PTK2: variants seen among roughly 807,000 people sequenced by gnomAD.
The protein encoded by PTK2 is protein tyrosine kinase 2.
In PTK2, 45 loss-of-function variants were observed where a neutral mutation model predicts 150.1. That is an observed-to-expected ratio of 0.30 (90% CI 0.24 to 0.38). The LOEUF (loss-of-function observed/expected upper bound fraction) is 0.38, where lower values mean the gene tolerates loss of function less well. Among genes scored for constraint, PTK2 ranks in the 10% least tolerant of loss-of-function variants. PTK2 has a pLI of 1.00. For missense variants in PTK2, 919 were observed against 1,307.3 expected (o/e 0.70, Z 4.58); for synonymous variants, 432 against 449.2 (o/e 0.96, Z 0.48).
chr8:140,714,491 A>T (rs1278515450), intron 23 of PTK2, among the ~76,000 whole-genome samples: 1 of 136,972 alleles, frequency 7.3e-6, no homozygotes, highest in Non-Finnish European at 1.5e-5. Flanking sequence ...AGGAAGAAAT[A>T]AAAAAAAAAA....
In PTK2 at chr8:140,742,959, G is replaced by GT. The variant is rs563966579; in HGVS notation, c.1735+270dup. 2.1e-3 allele frequency among the ~76,000 whole-genome samples: 317 copies of GT among 152,184 alleles called. 5 individuals carry two copies. Among genetic ancestry groups the GT allele is most frequent in the African/African-American group, 7.1e-3 (296 of 41,516 alleles). ...CCCTAGATGCTAAATATTTACTCGT[G>GT]TTTTTTTCTAAAAATTTATTATTTT... On this transcript the variant is annotated intron_variant, in intron 20 of 31. Transcript: ENST00000522684.
chr8:140,884,394 T>C (rs971924614), intron 3 of PTK2, among the ~76,000 whole-genome samples: 2 of 152,222 alleles, frequency 1.3e-5, no homozygotes, highest in South Asian at 2.1e-4. Context: ...AGAGTTTAAT[T>C]TTCTAAGACC....
chr8:140,937,347 T>C (rs73714789), intron 1 of PTK2, among the ~76,000 whole-genome samples: 3,616 of 152,174 alleles, frequency 0.024, 135 homozygotes, highest in African/African-American at 0.081. Flanking sequence ...ACACCTGATT[T>C]TTCTGAAAAT....
intron 1 of PTK2, among the ~76,000 whole-genome samples, chr8:140,989,212 TAAAAAAAAAAAAAAA>T (rs71310816): frequency 8.3e-5 from 5 of 60,580 alleles, no homozygotes; most frequent in South Asian, 8.4e-4. Context: ...ACCCTGTCTC[TAAAAAAAAAAAAAAA>T]AAAAAAAAAA....
At chr8:140,899,656 A>T (rs1165353149) in intron 2 of PTK2, among the ~76,000 whole-genome samples, 1 of 152,182 alleles carries the variant, frequency 6.6e-6, no homozygotes, top group Non-Finnish European at 1.5e-5. Flanking sequence ...AAAAAAGAAA[A>T]CTACAGGCCA....
Position 140,865,641 on chromosome 8 carries a change from T to C in PTK2, c.363-1242A>G, listed in dbSNP as rs144684276. 4.5e-3 allele frequency among the ~76,000 whole-genome samples: 682 copies of C among 152,334 alleles called. 4 individuals carry two copies. Among genetic ancestry groups the C allele is most frequent in the African/African-American group, 0.016 (647 of 41,578 alleles). On this transcript the variant is annotated intron_variant, in intron 4 of 31. Transcript: ENST00000522684. The stretch of plus-strand genomic sequence containing the variant: ...ATTAAAATACAAAATTGCCAAACAA[T>C]TCGGTTTCATTTCACTTTTACTCTC...
At chr8:140,982,453 C>G (rs1229851878) in intron 1 of PTK2, among the ~76,000 whole-genome samples, 1 of 152,140 alleles carries the variant, frequency 6.6e-6, no homozygotes, top group East Asian at 1.9e-4. Flanking sequence ...AGAAATTAGC[C>G]AGACATGGTG....
chr8:140,705,177 G>A (rs748611480), intron 24 of PTK2, among the ~76,000 whole-genome samples: 3 of 152,122 alleles, frequency 2.0e-5, no homozygotes, highest in Non-Finnish European at 4.4e-5. Flanking sequence ...TTTCCAATAA[G>A]AAAGTGCTTA....
At chr8:140,846,384 A>AT in intron 6 of PTK2, 62 bp from the exon 7 acceptor site, 2 of 1,524,444 alleles carry the variant, frequency 1.3e-6, no homozygotes, top group Non-Finnish European at 1.8e-6. Flanking sequence ...TTGTTAAGTG[A>AT]TAAAAACTGG....
At chr8:140,747,042 C>G (rs538232004) in intron 17 of PTK2, 182 bp from the exon 21 acceptor site, 1 of 507,568 alleles carries the variant, frequency 2.0e-6, no homozygotes. Context: ...AGGCGCCCAC[C>G]ACCACGCCCG....
At chr8:140,773,416 T>A (rs912323339) in intron 14 of PTK2, among the ~76,000 whole-genome samples, 2 of 152,168 alleles carry the variant, frequency 1.3e-5, no homozygotes, top group African/African-American at 4.8e-5. Flanking sequence ...AACATGTAAG[T>A]GCTAGGGAAA....
intron 13 of PTK2, among the ~76,000 whole-genome samples, chr8:140,790,077 A>T (rs2100087597): frequency 6.6e-6 from 1 of 152,218 alleles, no homozygotes. Context: ...CTAGTTTTAC[A>T]TATTTACCCA....
intron 1 of PTK2, among the ~76,000 whole-genome samples, chr8:140,945,455 G>A (rs574490080): frequency 6.6e-6 from 1 of 152,234 alleles, no homozygotes; most frequent in African/African-American, 2.4e-5. Context: ...GCACAGTGGT[G>A]TGCACCTGTG....
intron 23 of PTK2, among the ~76,000 whole-genome samples, chr8:140,713,674 C>A (rs896421123): frequency 3.9e-5 from 6 of 152,156 alleles, no homozygotes; most frequent in Non-Finnish European, 8.8e-5. Context: ...TGGGAATCTG[C>A]AGGAAAGCAA....
At chr8:140,888,990 ATGC>A (rs2100153298) in intron 3 of PTK2, among the ~76,000 whole-genome samples, 1 of 152,220 alleles carries the variant, frequency 6.6e-6, no homozygotes. Context: ...TTATGGCAGG[ATGC>A]TCATTGCAGG....
At chr8:140,904,311 G>T (rs1261081743) in intron 2 of PTK2, among the ~76,000 whole-genome samples, 1 of 152,140 alleles carries the variant, frequency 6.6e-6, no homozygotes, top group African/African-American at 2.4e-5. Context: ...ATTGATTTGC[G>T]TTTGTTGAAC....
At chr8:140,962,253 GAGGAAGGGAAGA>G (rs2100183500) in intron 1 of PTK2, among the ~76,000 whole-genome samples, 1 of 132,272 alleles carries the variant, frequency 7.6e-6, no homozygotes, top group Non-Finnish European at 1.6e-5. Context: ...GAAAGGAAGG[GAGGAAGGGAAGA>G]AGGGAGGGAG....
chr8:140,735,229 C>T (rs752171829), intron 22 of PTK2, 22 bp downstream of exon 25: 1 of 1,608,790 alleles, frequency 6.2e-7, no homozygotes, highest in Non-Finnish European at 8.5e-7. Context: ...ACCCCCAGGC[C>T]CTCTCTCCCG....
intron 25 of PTK2, 57 bp from the exon 29 acceptor site, chr8:140,701,079 T>C (rs746128830): frequency 1.3e-5 from 20 of 1,524,074 alleles, no homozygotes; most frequent in Admixed American, 2.1e-5. Context: ...CCTATGCTCT[T>C]ACCTTGTTTT....
Sources: gnomAD v4.1 joint callset for allele counts (sites outside exome capture counted in the v4.1 genomes callset) on GRCh38, gnomAD v4.1.1 for gene constraint, MANE v1.5 for transcripts, NCBI Gene and HGNC (gene_info 2026-07-23, HGNC 2026-07-21) for gene names.